The following RNF17 variants were observed in gnomAD, a reference collection of about 807,000 sequenced individuals.
RNF17 encodes spermatogenesis associated 23.
In RNF17, 31 loss-of-function variants were observed where a neutral mutation model predicts 200.5. That is an observed-to-expected ratio of 0.15 (90% CI 0.12 to 0.21). The LOEUF is 0.21. Ranked by LOEUF, RNF17 falls within the 10% of genes least tolerant of loss-of-function variation. The pLI, the probability that RNF17 is intolerant of heterozygous loss-of-function variation, is 1.00. For synonymous variants in RNF17, 606 were observed against 637.8 expected (o/e 0.95, Z 0.75); for missense variants, 1,628 against 1,905.1 (o/e 0.85, Z 2.71).
Position 24,800,468 on chromosome 13 carries a change from G to T in RNF17, c.1692G>T (p.Gly564=). 1 of 1,613,344 alleles carries T rather than the reference G, an allele frequency of 6.2e-7. No homozygotes were observed. The highest frequency in any genetic ancestry group is 8.5e-7 in the Non-Finnish European group (1 of 1,179,624). ...GGAAATCTGAACCATATACTGAAGGGCTGCTAAAAGACATCCAGCCATTAG... is the reference window on the plus strand; with the variant it reads ...GGAAATCTGAACCATATACTGAAGGTCTGCTAAAAGACATCCAGCCATTAG... ...VLRKSEPYTE[G]LLKDIQPLAQ... The change falls in exon 13 of 36, where the codon GGG becomes GGT. Residue 564 remains glycine (G), a synonymous_variant. Coordinates refer to ENST00000255324, the MANE Select transcript of RNF17 (RefSeq NM_031277.3).
At chr13:24,787,080 C>T (rs1181522665) in intron 6 of RNF17, among the ~76,000 whole-genome samples, 1 of 151,884 alleles carries the variant, frequency 6.6e-6, no homozygotes, top group East Asian at 1.9e-4. Context: ...TTTCCTTCTG[C>T]CTGTCCAAAT....
Position 24,879,275 on chromosome 13 carries a change from A to G in RNF17, c.4862A>G (p.Lys1621Arg). Reference sequence around the variant, plus strand: ...TTGGTAGAAATGGGGCTTGCAGATAAAGATGAATAAGTGCCTAAGTGTAAG... The same window carrying G: ...TTGGTAGAAATGGGGCTTGCAGATAGAGATGAATAAGTGCCTAAGTGTAAG... The part of the protein sequence containing the change: ...MPLVEMGLAD[K>R]DE Residue 1621 changes from lysine (K) to arginine (R), a missense_variant, in exon 35 of 36, where the codon AAA becomes AGA. Transcript: ENST00000255324. 1 of 1,604,958 alleles carries G rather than the reference A, an allele frequency of 6.2e-7. No homozygotes were observed. The highest frequency in any genetic ancestry group is 8.5e-7 in the Non-Finnish European group (1 of 1,171,798).
At chr13:24,850,298 A>G (rs773862367) in intron 22 of RNF17, 43 bp from the exon 23 acceptor site, 6 of 1,229,682 alleles carry the variant, frequency 4.9e-6, no homozygotes, top group Non-Finnish European at 6.0e-6. Flanking sequence ...TCAATATTGT[A>G]TGCTATTTTT....
At position 24,774,135 on chromosome 13, in the gene RNF17, A is replaced by G. The variant is rs531835877; in HGVS notation, c.226-678A>G. ...GGCCACAGTGGACTTTAGGAATTCT[A>G]TTGAACCACATGATTTTAAAAAGTT... is the stretch of plus-strand genomic sequence containing the variant. On this transcript the variant is annotated intron_variant, in intron 2 of 35. Transcript: ENST00000255324. Among the ~76,000 whole-genome samples the G allele has an allele frequency of 3.4e-4, 52 of 152,308 alleles. 1 individual carries two copies. Among genetic ancestry groups the G allele is most frequent in the South Asian group, 1.0e-3 (5 of 4,832 alleles).
chr13:24,866,297 T>G, intron 30 of RNF17, 94 bp downstream of exon 30: 1 of 661,804 alleles, frequency 1.5e-6, no homozygotes, highest in South Asian at 2.0e-5. Flanking sequence ...ATAACAGTTT[T>G]ATTATTTATA....
At chr13:24,863,936 C>G (rs1893368053) in intron 28 of RNF17, among the ~76,000 whole-genome samples, 1 of 152,226 alleles carries the variant, frequency 6.6e-6, no homozygotes, top group Admixed American at 6.5e-5. Context: ...GTGCTAGCCT[C>G]TGCTCTAGGC....
intron 25 of RNF17, among the ~76,000 whole-genome samples, chr13:24,857,316 G>A (rs1426524567): frequency 6.8e-6 from 1 of 147,962 alleles, no homozygotes; most frequent in African/African-American, 2.4e-5. Context: ...CATTTTTTTT[G>A]TACACCTAAG....
In RNF17 at chr13:24,789,338, T is replaced by A. The variant is rs757765029; in HGVS notation, c.784-10T>A. 89 of 1,474,058 alleles carry A rather than the reference T, an allele frequency of 6.0e-5. No homozygotes were observed. The highest frequency in any genetic ancestry group is 1.8e-4 in the Middle Eastern group (1 of 5,604). 91.3% of individuals were successfully genotyped at this position (1,474,058 alleles called of 1,614,324 possible). A position where few individuals can be genotyped will look rare whatever the true frequency, so the allele number is the denominator to read the frequency against. On this transcript the variant is annotated splice_polypyrimidine_tract_variant and intron_variant, in intron 7 of 35. Coordinates refer to ENST00000255324, the MANE Select transcript of RNF17 (RefSeq NM_031277.3). ...ATTCACACATGAATGATTTTTTTTT[T>A]AAATTCTAGATTATCCGGACTTTGC...
downstream of RNF17, chr13:24,883,227 T>C (rs560501361): frequency 1.2e-5 from 19 of 1,614,120 alleles, no homozygotes; most frequent in South Asian, 1.6e-4. Context: ...TTAACTCTTA[T>C]CCGACCGGAT....
At chr13:24,757,806 A>G in the RNF17 span, among the ~76,000 whole-genome samples, 1 of 152,206 alleles carries the variant, frequency 6.6e-6, no homozygotes, top group African/African-American at 2.4e-5. Context: ...TGTGAACACA[A>G]AACATCCCCT....
chr13:24,843,937 G>A lies in RNF17; in HGVS notation c.2797G>A (p.Val933Ile), dbSNP rs778374882. Residue 933 changes from valine (V) to isoleucine (I), a missense_variant, in exon 20 of 36, where the codon GTT (valine) becomes ATT (isoleucine). Val to Ile is a conservative substitution (Grantham distance 29). Transcript: ENST00000255324. Reference protein sequence around the residue: ...CNVISPEKIYVQWLLTENLLN... With the variant: ...CNVISPEKIYIQWLLTENLLN... ...TGTAATATCTCCTGAGAAGATTTAT[G>A]TTCAGTGGTTGTTAACTGAAAACTT... is the stretch of plus-strand genomic sequence containing the variant. The A allele has an allele frequency of 1.3e-6, 2 of 1,540,270 alleles. No individual in the cohort carries two copies. Among genetic ancestry groups the A allele is most frequent in the South Asian group, 1.2e-5 (1 of 81,928 alleles).
At chr13:24,835,249 C>T (rs1359335485) in intron 18 of RNF17, among the ~76,000 whole-genome samples, 1 of 152,000 alleles carries the variant, frequency 6.6e-6, no homozygotes, top group Non-Finnish European at 1.5e-5. Flanking sequence ...CCCCTGGTAG[C>T]TGAAGAGAAA....
intron 20 of RNF17, among the ~76,000 whole-genome samples, 172 bp from the exon 21 acceptor site, chr13:24,844,480 A>G (rs1202734666): frequency 6.6e-6 from 1 of 152,202 alleles, no homozygotes; most frequent in Admixed American, 6.6e-5. Flanking sequence ...TCTCAGGCAG[A>G]AGGAAGAGCT....
At chr13:24,886,858 A>G in the RNF17 span, among the ~76,000 whole-genome samples, 10 of 152,214 alleles carry the variant, frequency 6.6e-5, no homozygotes, top group Middle Eastern at 3.2e-3. Context: ...CAAACCCACT[A>G]TATATCAAGT....
At chr13:24,765,324 T>C (rs1879509377) in intron 1 of RNF17, among the ~76,000 whole-genome samples, 1 of 152,256 alleles carries the variant, frequency 6.6e-6, no homozygotes, top group Admixed American at 6.5e-5. Flanking sequence ...CGGTTCAAGT[T>C]ATTTTAATGT....
chr13:24,782,351 T>G (rs1289227883), intron 6 of RNF17, among the ~76,000 whole-genome samples: 1 of 148,898 alleles, frequency 6.7e-6, no homozygotes, highest in Non-Finnish European at 1.5e-5. Context: ...AATTTTGTGT[T>G]TTTTTTTTGT....
intron 15 of RNF17, among the ~76,000 whole-genome samples, chr13:24,819,595 A>T (rs1217421141): frequency 6.6e-6 from 1 of 152,244 alleles, no homozygotes. Flanking sequence ...ACAATCCAAT[A>T]TGAGTTAATA....
At chr13:24,883,005 T>TATCA (rs1192323222), downstream of RNF17, 6 of 627,956 alleles carry the variant, frequency 9.6e-6, no homozygotes, top group Admixed American at 1.6e-4. Context: ...AAATGAGAGC[T>TATCA]ATCATTGCAT....
At chr13:24,868,516 G>A in intron 30 of RNF17, 84 bp from the exon 31 acceptor site, 1 of 555,122 alleles carries the variant, frequency 1.8e-6, no homozygotes, top group South Asian at 1.6e-5. Flanking sequence ...TAATTGAAAG[G>A]TAAATTGGCA....
Sources: gnomAD v4.1 joint callset for allele counts (sites outside exome capture counted in the v4.1 genomes callset) on GRCh38, gnomAD v4.1.1 for gene constraint, MANE v1.5 for transcripts, NCBI Gene and HGNC (gene_info 2026-07-23, HGNC 2026-07-21) for gene names.